The following FKBP1B variants were observed in gnomAD, a reference collection of about 807,000 sequenced individuals.
The protein encoded by FKBP1B is peptidyl-prolyl cis-trans isomerase FKBP1B.
FKBP1B carries 4 observed loss-of-function variants against 13.5 expected under a neutral mutation model. That is an observed-to-expected ratio of 0.30 (90% CI 0.15 to 0.68). The LOEUF (loss-of-function observed/expected upper bound fraction) is 0.68. FKBP1B is among the 30% of genes least tolerant of loss of function. The pLI is 0.76. For synonymous variants in FKBP1B, 54 were observed against 53.6 expected (o/e 1.01, Z -0.03); for missense variants, 93 against 136.2 (o/e 0.68, Z 1.58).
the FKBP1B span, chr2:24,039,520 G>C: frequency 1.7e-5 from 27 of 1,598,866 alleles, no homozygotes; most frequent in Non-Finnish European, 2.2e-5. Flanking sequence ...TACCTGAAAT[G>C]ATTAAGAAGG....
At chr2:24,052,167 T>A (rs907094477) in intron 1 of FKBP1B, among the ~76,000 whole-genome samples, 1 of 152,234 alleles carries the variant, frequency 6.6e-6, no homozygotes, top group Non-Finnish European at 1.5e-5. Flanking sequence ...TCTTCTCTGC[T>A]GCCACCACCT....
At chr2:24,033,475 C>CTCA in the FKBP1B span, among the ~76,000 whole-genome samples, 2 of 152,158 alleles carry the variant, frequency 1.3e-5, no homozygotes, top group East Asian at 3.8e-4. Context: ...GGCACAGTGG[C>CTCA]TCACCCCTTA....
At position 24,053,888 on chromosome 2, in the gene FKBP1B, A is replaced by G. The variant is rs754739794; in HGVS notation, c.38-14A>G. 1 of 1,613,870 alleles carries G rather than the reference A, an allele frequency of 6.2e-7. No homozygotes were observed. Among genetic ancestry groups the G allele is most frequent in the Non-Finnish European group, 8.5e-7 (1 of 1,179,780 alleles). On this transcript the variant is annotated splice_polypyrimidine_tract_variant and intron_variant, in intron 1 of 3. Transcript: ENST00000380986. ...ATATCCTACTCCTTCATCTGCCCTC[A>G]TGTCTCCCTGCAGGAAGGACATTCC...
upstream of FKBP1B, chr2:24,049,569 G>T (rs1415765334): frequency 1.2e-5 from 4 of 337,628 alleles, no homozygotes; most frequent in East Asian, 1.3e-4. Context: ...TCCCTGGTCA[G>T]TGGGTTAATG....
the FKBP1B span, chr2:24,037,753 C>T: frequency 1.9e-5 from 31 of 1,614,054 alleles, no homozygotes; most frequent in South Asian, 7.7e-5. Context: ...ATTATGCAGA[C>T]GGTTTGTAAG....
At chr2:24,043,001 C>G in the FKBP1B span, among the ~76,000 whole-genome samples, 1 of 149,748 alleles carries the variant, frequency 6.7e-6, no homozygotes, top group East Asian at 2.0e-4. Context: ...CCATTACACT[C>G]CAGCCTGGGC....
chr2:24,035,525 AAGAC>A, the FKBP1B span, among the ~76,000 whole-genome samples: 5 of 152,304 alleles, frequency 3.3e-5, no homozygotes, highest in South Asian at 4.1e-4. Flanking sequence ...CTATTAAAAA[AAGAC>A]AGAAGAAAAA....
chr2:24,044,517 T>G, the FKBP1B span, among the ~76,000 whole-genome samples: 2 of 152,170 alleles, frequency 1.3e-5, no homozygotes, highest in African/African-American at 4.8e-5. Flanking sequence ...TCCTCCTGCC[T>G]TGGCCTCCCA....
chr2:24,034,142 C>T, the FKBP1B span, among the ~76,000 whole-genome samples: 5 of 152,076 alleles, frequency 3.3e-5, no homozygotes, highest in Admixed American at 6.6e-5. Context: ...ATAATAGGGC[C>T]GGGTGTGGTG....
In FKBP1B at chr2:24,059,372, T is replaced by TGG. The variant is rs71395181; in HGVS notation, c.86-1434_86-1433dup. Among the ~76,000 whole-genome samples, 162 of 144,546 alleles carry TGG rather than the reference T, an allele frequency of 1.1e-3. 1 individual carries two copies. The highest frequency in any genetic ancestry group is 7.1e-3 in the Middle Eastern group (2 of 280). The allele number at this position is 144,546 out of a possible 152,430, so 94.8% of individuals were successfully genotyped here. A position where few individuals can be genotyped will look rare whatever the true frequency, so the allele number is the denominator to read the frequency against. ...GAACCAGAACTGCTGGACCAGCACC[T>TGG]GGGGGGGGGTTCTGGTTTCAAACAG... On this transcript the variant is annotated intron_variant, in intron 2 of 3. Coordinates refer to ENST00000380986, the MANE Select transcript of FKBP1B (RefSeq NM_004116.5).
intron 2 of FKBP1B, 80 bp downstream of exon 2, chr2:24,054,029 G>T: frequency 7.3e-7 from 1 of 1,367,970 alleles, no homozygotes; most frequent in East Asian, 2.3e-5. Flanking sequence ...CTCCAGAGGT[G>T]CCTGCCTCTG....
chr2:24,051,177 T>C (rs1219743005), intron 1 of FKBP1B, among the ~76,000 whole-genome samples: 1 of 151,646 alleles, frequency 6.6e-6, no homozygotes, highest in South Asian at 2.1e-4. Flanking sequence ...CTACTAAAAA[T>C]ACAAAAATTA....
In FKBP1B at chr2:24,062,948, T is replaced by A. The variant is rs1036180057; in HGVS notation, c.199-116T>A. ...TATCCCATGTAAAATTCATCTGAGA[T>A]CTTCAGAGTTAACATTGAGGATGGT... is the stretch of plus-strand genomic sequence containing the variant. On this transcript the variant is annotated intron_variant, in intron 3 of 3. Transcript: ENST00000380986. The A allele has an allele frequency of 3.4e-6, 5 of 1,456,420 alleles. No homozygotes were observed. In the African/African-American group the frequency reaches 7.0e-5, roughly 20 times the overall value. The allele number at this position is 1,456,420 out of a possible 1,614,324, so 90.2% of individuals were successfully genotyped here.
At chr2:24,058,186 A>G (rs1573692854) in intron 2 of FKBP1B, among the ~76,000 whole-genome samples, 2 of 151,174 alleles carry the variant, frequency 1.3e-5, no homozygotes, top group African/African-American at 4.9e-5. Flanking sequence ...GGTGACAGAG[A>G]TGAGACTCTG....
chr2:24,044,962 T>C (rs1663567163), upstream of FKBP1B, among the ~76,000 whole-genome samples: 1 of 152,194 alleles, frequency 6.6e-6, no homozygotes, highest in Non-Finnish European at 1.5e-5. Context: ...TTATCAGATA[T>C]TGATATATCT....
At position 24,050,314 on chromosome 2, in the gene FKBP1B, C is replaced by G. The variant is rs1423677680; in HGVS notation, c.37+428C>G. On this transcript the variant is annotated intron_variant, in intron 1 of 3. Coordinates refer to ENST00000380986, the MANE Select transcript of FKBP1B (RefSeq NM_004116.5). The surrounding 1 kb of genome is among the most constrained non-coding windows in gnomAD (Gnocchi z 5.8). ...GCTCGGGGACCTCCTCCTAGCGCGTCCCCCGCCGGGCCTCCCCTCGGTCGC... is the reference window on the plus strand; with the variant it reads ...GCTCGGGGACCTCCTCCTAGCGCGTGCCCCGCCGGGCCTCCCCTCGGTCGC... Among the ~76,000 whole-genome samples, 2 of 152,190 alleles carry G rather than the reference C, an allele frequency of 1.3e-5. No individual in the cohort carries two copies. The highest frequency in any genetic ancestry group is 4.1e-4 in the South Asian group (2 of 4,836).
intron 2 of FKBP1B, among the ~76,000 whole-genome samples, chr2:24,057,080 C>G (rs1018120637): frequency 6.6e-6 from 1 of 152,174 alleles, no homozygotes; most frequent in Non-Finnish European, 1.5e-5. Flanking sequence ...AACATCTTCT[C>G]CCACACTATG....
the FKBP1B span, among the ~76,000 whole-genome samples, chr2:24,035,939 C>G: frequency 1.3e-5 from 2 of 151,378 alleles, no homozygotes; most frequent in East Asian, 1.9e-4. Context: ...TGTGGTGGCA[C>G]GTGCCTGTAA....
At chr2:24,049,939 C>A in intron 1 of FKBP1B, 53 bp downstream of exon 1, 1 of 1,317,994 alleles carries the variant, frequency 7.6e-7, no homozygotes, top group Non-Finnish European at 9.8e-7. Context: ...GGGCGGAGCC[C>A]GGAGGGCGGG....
Sources: gnomAD v4.1 joint callset for allele counts (sites outside exome capture counted in the v4.1 genomes callset) on GRCh38, gnomAD v4.1.1 for gene constraint, Gnocchi (gnomAD v3.1) non-coding constraint, MANE v1.5 for transcripts, NCBI Gene and HGNC (gene_info 2026-07-23, HGNC 2026-07-21) for gene names.